The following ITGAL variants were observed in gnomAD, a reference collection of about 807,000 sequenced individuals.
ITGAL encodes integrin subunit alpha L, also known as integrin alpha-L.
Under a neutral mutation model 138.4 loss-of-function variants are expected in ITGAL, and 68 were observed. The ratio of observed to expected loss-of-function variants is 0.49; its 90% confidence interval spans 0.40 to 0.60. The LOEUF (loss-of-function observed/expected upper bound fraction) is 0.60. Among genes scored for constraint, ITGAL ranks in the 20% least tolerant of loss-of-function variants. The pLI, the probability that ITGAL is intolerant of heterozygous loss-of-function variation, is 0.00. For missense variants in ITGAL, 1,256 were observed against 1,478.6 expected, an observed-to-expected ratio of 0.85 and a Z score of 2.47; for synonymous variants, 561 against 584.3, an observed-to-expected ratio of 0.96 and a Z score of 0.57.
chr16:30,514,825 C>CTT (rs35701226), intron 25 of ITGAL, among the ~76,000 whole-genome samples: 3 of 134,258 alleles, frequency 2.2e-5, no homozygotes, highest in Non-Finnish European at 4.8e-5. Flanking sequence ...TTTTTCTTTT[C>CTT]TTTTTTTTTT....
At chr16:30,513,583 G>A (rs1306458689) in intron 24 of ITGAL, among the ~76,000 whole-genome samples, 188 bp from the exon 25 acceptor site, 4 of 152,176 alleles carry the variant, frequency 2.6e-5, no homozygotes, top group Non-Finnish European at 5.9e-5. Context: ...CTCCACTGTG[G>A]AGAAGCTTTG....
Position 30,519,971 on chromosome 16 carries a change from G to A in ITGAL, c.3339+4G>A, listed in dbSNP as rs1308377643. 3 of 1,599,646 alleles carry A rather than the reference G, an allele frequency of 1.9e-6. No individual in the cohort carries two copies. The highest frequency in any genetic ancestry group is 2.2e-5 in the East Asian group (1 of 44,780). On this transcript the variant is annotated splice_donor_region_variant and intron_variant, in intron 30 of 30. Coordinates refer to ENST00000356798, the MANE Select transcript of ITGAL (RefSeq NM_002209.3). ...CATTTTCATAGTGCTGTACAAGGTG[G>A]GTGCCTCCGGGGGTCACAGGCATTG... is the stretch of plus-strand genomic sequence containing the variant.
intron 17 of ITGAL, among the ~76,000 whole-genome samples, chr16:30,502,884 G>A (rs968671801): frequency 4.0e-5 from 6 of 151,500 alleles, no homozygotes; most frequent in East Asian, 1.9e-4. Context: ...TATGATCTGG[G>A]CCCACTGCAG....
At chr16:30,486,402 C>A (rs2050646907) in intron 9 of ITGAL, among the ~76,000 whole-genome samples, 1 of 119,644 alleles carries the variant, frequency 8.4e-6, no homozygotes. Flanking sequence ...AAGAGCAAAA[C>A]TGTCTCAAAA....
At chr16:30,508,288 A>C (rs1264791900) in intron 21 of ITGAL, among the ~76,000 whole-genome samples, 1 of 139,310 alleles carries the variant, frequency 7.2e-6, no homozygotes, top group African/African-American at 2.8e-5. Context: ...ATCTCGGCTC[A>C]CTGCAACCTC....
chr16:30,499,170 G>C lies in ITGAL; in HGVS notation c.1929G>C (p.Lys643Asn), dbSNP rs1292314002. ...AGTGCTCCTATTCAACCAGTAACAA[G>C]ATGAAAGAAGGAGTTAATATCACAA... Reference protein sequence around the residue: ...EVECSYSTSNKMKEGVNITIC... With the variant: ...EVECSYSTSNNMKEGVNITIC... The change falls in exon 16 of 31, where the codon AAG (lysine) becomes AAC (asparagine). Residue 643 changes from lysine to asparagine, a missense_variant. By Grantham distance (94) the Lys-to-Asn change is moderately conservative. This residue lies in a region of ITGAL where 867 missense variants were observed against 972.5 expected (regional missense o/e 0.89). Coordinates refer to ENST00000356798, the MANE Select transcript of ITGAL (RefSeq NM_002209.3). 6.2e-7 allele frequency: 1 copy of C among 1,614,078 alleles called. No individual in the cohort carries two copies. Among genetic ancestry groups the C allele is most frequent in the East Asian group, 2.2e-5 (1 of 44,872 alleles).
intron 9 of ITGAL, among the ~76,000 whole-genome samples, chr16:30,485,276 G>GAGTTCAGTGGCGCAGTCTCTGCTCACTGC (rs2050627428): frequency 6.9e-6 from 1 of 144,932 alleles, no homozygotes; most frequent in Non-Finnish European, 1.5e-5. Flanking sequence ...GCCCAGGCTG[G>GAGTTCAGTGGCGCAGTCTCTGCTCACTGC]AGTGCAGTGG....
At position 30,494,430 on chromosome 16, in the gene ITGAL, C is replaced by T; in HGVS notation, c.1365+67C>T. ...GGACACACATCACACTCCCTTCTGTCCTTTGAATGCTCATCCACTTACCAT... is the reference window on the plus strand; with the variant it reads ...GGACACACATCACACTCCCTTCTGTTCTTTGAATGCTCATCCACTTACCAT... On this transcript the variant is annotated intron_variant, in intron 12 of 30. Coordinates refer to ENST00000356798, the MANE Select transcript of ITGAL (RefSeq NM_002209.3). The surrounding 1 kb of genome is among the most constrained non-coding windows in gnomAD (Gnocchi z 4.2). 1 of 1,473,636 alleles carries T rather than the reference C, an allele frequency of 6.8e-7. No homozygotes were observed. Among genetic ancestry groups the T allele is most frequent in the Non-Finnish European group, 9.2e-7 (1 of 1,091,106 alleles). The allele number at this position is 1,473,636 out of a possible 1,614,324, so 91.3% of individuals were successfully genotyped here. A position where few individuals can be genotyped will look rare whatever the true frequency, so the allele number is the denominator to read the frequency against.
In ITGAL at chr16:30,496,559, G is replaced by C; in HGVS notation, c.1825G>C (p.Val609Leu). Reference protein sequence around the residue: ...VAVGAESQMIVLSSRPVVDMV... With the variant: ...VAVGAESQMILLSSRPVVDMV... ...TGTGGGGGCTGAGAGCCAGATGATC[G>C]TGCTGAGGTGAGATGGGTCTCCCAG... The change falls in exon 15 of 31, where the codon GTG becomes CTG. Residue 609 changes from valine to leucine, a missense_variant. Val to Leu is a conservative substitution (Grantham distance 32). Transcript: ENST00000356798. 6.2e-7 allele frequency: 1 copy of C among 1,612,956 alleles called. No homozygotes were observed. The highest frequency in any genetic ancestry group is 8.5e-7 in the Non-Finnish European group (1 of 1,179,432).
intron 4 of ITGAL, among the ~76,000 whole-genome samples, chr16:30,478,738 A>G (rs1381909527): frequency 1.3e-5 from 2 of 151,546 alleles, no homozygotes; most frequent in Admixed American, 6.6e-5. Context: ...GAGGCACTGT[A>G]TATTCTGGGA....
At chr16:30,515,212 T>C (rs1257359816) in intron 25 of ITGAL, among the ~76,000 whole-genome samples, 1 of 152,160 alleles carries the variant, frequency 6.6e-6, no homozygotes, top group Non-Finnish European at 1.5e-5. Flanking sequence ...GAAAGCACCA[T>C]CTCTTTCTCA....
At position 30,474,213 on chromosome 16, in the gene ITGAL, A is replaced by G; in HGVS notation, c.79A>G (p.Asn27Asp). Residue 27 changes from asparagine to aspartate, a missense_variant, in exon 2 of 31, where the codon AAC becomes GAC. Transcript: ENST00000356798. Reference protein sequence around the residue: ...FFFFAPASSYNLDVRGARSFS... With the variant: ...FFFFAPASSYDLDVRGARSFS... ...TTCCTCAGCGCCGGCCTCGAGCTAC[A>G]ACCTGGACGTGCGGGGCGCGCGGAG... 1.2e-6 allele frequency: 2 copies of G among 1,606,852 alleles called. No individual in the cohort carries two copies. Among genetic ancestry groups the G allele is most frequent in the Non-Finnish European group, 1.7e-6 (2 of 1,177,076 alleles).
At chr16:30,485,276 G>GAGTGCAGTGGCGCAGTCTCTGCTCCCTGC in intron 9 of ITGAL, among the ~76,000 whole-genome samples, 1 of 144,836 alleles carries the variant, frequency 6.9e-6, no homozygotes, top group Non-Finnish European at 1.5e-5. Flanking sequence ...GCCCAGGCTG[G>GAGTGCAGTGGCGCAGTCTCTGCTCCCTGC]AGTGCAGTGG....
chr16:30,496,164 C>A lies in ITGAL; in HGVS notation c.1571C>A (p.Ala524Asp), dbSNP rs948596742. ...PGYPLGRFGEAITALTDINGD... is the reference protein window; with the variant it reads ...PGYPLGRFGEDITALTDINGD... ...TACCCACTCGGGCGGTTTGGAGAAG[C>A]CATCACTGCTCTGACAGACATCAAC... The change falls in exon 14 of 31, where the codon GCC (alanine) becomes GAC (aspartate). Residue 524 changes from alanine (A) to aspartate (D), a missense_variant. By Grantham distance (126) the Ala-to-Asp change is moderately radical. Around this residue, in one of 3 missense-constraint regions of ITGAL, gnomAD observed 867 missense variants for 972.5 expected, o/e 0.89. Transcript: ENST00000356798. 17 of 1,614,110 alleles carry A rather than the reference C, an allele frequency of 1.1e-5. No homozygotes were observed. The highest frequency in any genetic ancestry group is 1.4e-5 in the Non-Finnish European group (17 of 1,179,998).
At chr16:30,492,866 A>C (rs1236924362) in intron 11 of ITGAL, among the ~76,000 whole-genome samples, 1 of 151,524 alleles carries the variant, frequency 6.6e-6, no homozygotes, top group Non-Finnish European at 1.5e-5. Flanking sequence ...TAAGCATGAA[A>C]ATTTTTCAAG....
chr16:30,499,235 G>T lies in ITGAL; in HGVS notation c.1993+1G>T. The T allele has an allele frequency of 6.2e-7, 1 of 1,614,048 alleles. No homozygotes were observed. Among genetic ancestry groups the T allele is most frequent in the Non-Finnish European group, 8.5e-7 (1 of 1,179,948 alleles). On this transcript the variant is annotated splice_donor_variant, in intron 16 of 30. Coordinates refer to ENST00000356798, the MANE Select transcript of ITGAL (RefSeq NM_002209.3). LOFTEE classifies it high-confidence loss of function. Reference sequence around the variant, plus strand: ...AAGTCTCTCATCCCCCAGTTCCAAGGTCAGAGCTCTCCTCCTGCTCCCAGG... The same window carrying T: ...AAGTCTCTCATCCCCCAGTTCCAAGTTCAGAGCTCTCCTCCTGCTCCCAGG...
chr16:30,520,088 C>T (rs1436152493), intron 30 of ITGAL, 121 bp downstream of exon 30: 2 of 696,332 alleles, frequency 2.9e-6, no homozygotes, highest in Non-Finnish European at 5.0e-6. Flanking sequence ...GCCTCAGAGC[C>T]AGGGGGCCTC....
At chr16:30,506,534 G>A in intron 20 of ITGAL, among the ~76,000 whole-genome samples, 181 bp from the exon 21 acceptor site, 1 of 128,736 alleles carries the variant, frequency 7.8e-6, no homozygotes, top group African/African-American at 3.1e-5. Context: ...ACTCCAGCCT[G>A]GGTGACAGAG....
chr16:30,507,327 C>T (rs533757854), intron 21 of ITGAL, among the ~76,000 whole-genome samples: 42 of 151,886 alleles, frequency 2.8e-4, no homozygotes, highest in African/African-American at 9.4e-4. Flanking sequence ...GGCGAGGTGG[C>T]GGGCGCCTGT....
Sources: gnomAD v4.1 joint callset for allele counts (sites outside exome capture counted in the v4.1 genomes callset) on GRCh38, gnomAD v4.1.1 for gene constraint, gnomAD v4.1.1 regional missense constraint, Gnocchi (gnomAD v3.1) non-coding constraint, MANE v1.5 for transcripts, NCBI Gene and HGNC (gene_info 2026-07-23, HGNC 2026-07-21) for gene names.